MEIS1: variants seen among roughly 807,000 people sequenced by gnomAD.
The protein encoded by MEIS1 is homeobox protein Meis1.
A neutral mutation model predicts 50.8 loss-of-function variants in MEIS1; 5 were observed. The observed-to-expected ratio is 0.10, with a 90% CI of 0.05 to 0.21. The LOEUF is 0.21. Among genes scored for constraint, MEIS1 ranks in the 10% least tolerant of loss-of-function variants. The probability of loss-of-function intolerance (pLI) is 1.00; values close to 1 mark genes in which losing one functional copy is unlikely to be tolerated. For missense variants in MEIS1, 318 were observed against 517.3 expected (o/e 0.61, Z 3.74); for synonymous variants, 176 against 179.3 (o/e 0.98, Z 0.15).
chr2:66,546,102 G>A (rs1203950466), intron 8 of MEIS1, among the ~76,000 whole-genome samples: 1 of 152,140 alleles, frequency 6.6e-6, no homozygotes, highest in Non-Finnish European at 1.5e-5. Context: ...ACACCAACAA[G>A]GAAATAAACA....
At chr2:66,454,818 ATTC>A (rs1672351632) in intron 6 of MEIS1, 1 of 152,148 alleles carries the variant, frequency 6.6e-6, no homozygotes, top group Non-Finnish European at 1.5e-5. Flanking sequence ...TAATTTACTG[ATTC>A]TTCTCCCACT....
chr2:66,477,873 A>G (rs1672931134), intron 7 of MEIS1, among the ~76,000 whole-genome samples: 1 of 152,158 alleles, frequency 6.6e-6, no homozygotes, highest in African/African-American at 2.4e-5. Context: ...TTACCTGCCC[A>G]AGACTTAATA....
intron 8 of MEIS1, among the ~76,000 whole-genome samples, chr2:66,515,713 G>C (rs1044088999): frequency 2.0e-5 from 3 of 152,142 alleles, no homozygotes; most frequent in Non-Finnish European, 2.9e-5. Context: ...GAGTCGATAA[G>C]TAGAGAGGGT....
intron 7 of MEIS1, among the ~76,000 whole-genome samples, chr2:66,485,454 A>G (rs1673120058): frequency 6.6e-5 from 10 of 152,168 alleles, no homozygotes. Context: ...TTATGGATGC[A>G]TAGTATTCCA....
At chr2:66,516,122 G>A (rs923972810) in intron 8 of MEIS1, among the ~76,000 whole-genome samples, 5 of 152,160 alleles carry the variant, frequency 3.3e-5, no homozygotes, top group African/African-American at 1.2e-4. Context: ...TAAAAATCAA[G>A]GGTCTCTTTT....
intron 7 of MEIS1, among the ~76,000 whole-genome samples, chr2:66,474,351 G>A (rs1397758297): frequency 6.6e-6 from 1 of 151,976 alleles, no homozygotes; most frequent in South Asian, 2.1e-4. Flanking sequence ...CTGTAGCAAG[G>A]GTAACTATGC....
At chr2:66,524,821 A>G (rs1184092662) in intron 8 of MEIS1, among the ~76,000 whole-genome samples, 2 of 152,206 alleles carry the variant, frequency 1.3e-5, no homozygotes, top group African/African-American at 4.8e-5. Flanking sequence ...ACTGAGGTAT[A>G]ACAAGTAACT....
chr2:66,483,705 T>C (rs993968735), intron 7 of MEIS1, among the ~76,000 whole-genome samples: 1 of 152,224 alleles, frequency 6.6e-6, no homozygotes, highest in Admixed American at 6.5e-5. Flanking sequence ...CAACTGCTTA[T>C]GTTCCTTCTA....
chr2:66,473,839 G>A (rs1180502198), intron 7 of MEIS1, among the ~76,000 whole-genome samples: 15 of 152,024 alleles, frequency 9.9e-5, no homozygotes. Flanking sequence ...ATCCCCCAGG[G>A]ATTGGTTCCA....
intron 9 of MEIS1, among the ~76,000 whole-genome samples, chr2:66,558,944 C>G (rs1216584322): frequency 6.6e-6 from 1 of 152,102 alleles, no homozygotes; most frequent in African/African-American, 2.4e-5. Flanking sequence ...GAGTTTGAGA[C>G]CAGCCTGGAC....
At chr2:66,535,482 C>G (rs1311249194) in intron 8 of MEIS1, among the ~76,000 whole-genome samples, 3 of 152,214 alleles carry the variant, frequency 2.0e-5, no homozygotes, top group Non-Finnish European at 4.4e-5. Flanking sequence ...TTCTCCCACT[C>G]ATCTAAGATA....
At chr2:66,502,977 C>G (rs983680131) in intron 7 of MEIS1, among the ~76,000 whole-genome samples, 58 of 152,220 alleles carry the variant, frequency 3.8e-4, no homozygotes, top group Non-Finnish European at 7.3e-5. Flanking sequence ...TGCAAAAATA[C>G]ATTTGAAATG....
chr2:66,534,721 G>A (rs2103901904), intron 8 of MEIS1, among the ~76,000 whole-genome samples: 1 of 152,156 alleles, frequency 6.6e-6, no homozygotes, highest in South Asian at 2.1e-4. Context: ...CCTTCTTTGT[G>A]TAATTAGCAA....
At chr2:66,510,750 G>C (rs1041422347) in intron 7 of MEIS1, among the ~76,000 whole-genome samples, 11 of 152,054 alleles carry the variant, frequency 7.2e-5, no homozygotes, top group African/African-American at 2.7e-4. Flanking sequence ...AGATGGGTCT[G>C]CTGAGGGAGC....
chr2:66,511,359 A>G (rs1673825861), intron 7 of MEIS1, among the ~76,000 whole-genome samples: 1 of 152,328 alleles, frequency 6.6e-6, no homozygotes, highest in African/African-American at 2.4e-5. Flanking sequence ...ATAAAAATCA[A>G]TAGAAAAATA....
intron 7 of MEIS1, among the ~76,000 whole-genome samples, chr2:66,501,341 T>C (rs1673550107): frequency 6.6e-6 from 1 of 152,286 alleles, no homozygotes; most frequent in South Asian, 2.1e-4. Context: ...ACCAATAATG[T>C]AAATGTATAG....
chr2:66,521,547 C>T (rs114351700), intron 8 of MEIS1, among the ~76,000 whole-genome samples: 102 of 152,170 alleles, frequency 6.7e-4, no homozygotes, highest in African/African-American at 2.4e-3. Flanking sequence ...GGTATGACAC[C>T]GAGGTCTGAT....
chr2:66,490,274 G>C (rs998888206), intron 7 of MEIS1, among the ~76,000 whole-genome samples: 3 of 152,196 alleles, frequency 2.0e-5, no homozygotes, highest in African/African-American at 7.2e-5. Flanking sequence ...TTTGCAGATG[G>C]AAACAGACTG....
intron 7 of MEIS1, among the ~76,000 whole-genome samples, chr2:66,480,573 T>C (rs1351279378): frequency 6.6e-6 from 1 of 152,222 alleles, no homozygotes; most frequent in Non-Finnish European, 1.5e-5. Context: ...TAAAAAGATT[T>C]GATCTTTTTG....
Sources: gnomAD v4.1 joint callset for allele counts (sites outside exome capture counted in the v4.1 genomes callset) on GRCh38, gnomAD v4.1.1 for gene constraint, MANE v1.5 for transcripts, NCBI Gene and HGNC (gene_info 2026-07-23, HGNC 2026-07-21) for gene names.